SRGAP1: variants seen among roughly 807,000 people sequenced by gnomAD.
SRGAP1 encodes SLIT-ROBO Rho GTPase-activating protein 1.
In SRGAP1, 43 loss-of-function variants were observed where a neutral mutation model predicts 121.9. That is an observed-to-expected ratio of 0.35 (90% confidence interval 0.28 to 0.46). The LOEUF (loss-of-function observed/expected upper bound fraction) is 0.46, where lower values mean the gene tolerates loss of function less well. Among genes scored for constraint, SRGAP1 ranks in the 20% least tolerant of loss-of-function variants. The pLI, the probability that SRGAP1 is intolerant of heterozygous loss-of-function variation, is 1.00. For missense variants in SRGAP1, 1,102 were observed against 1,350.9 expected, an observed-to-expected ratio of 0.82 and a Z score of 2.89; for synonymous variants, 447 against 485.4, an observed-to-expected ratio of 0.92 and a Z score of 1.04.
intron 6 of SRGAP1, among the ~76,000 whole-genome samples, chr12:64,056,721 T>G (rs565393415): frequency 2.6e-4 from 40 of 152,268 alleles, no homozygotes; most frequent in South Asian, 1.7e-3. Flanking sequence ...TCTTGCAACT[T>G]TTCCCTTAGT....
At chr12:63,853,209 C>T (rs1377317540) in intron 1 of SRGAP1, among the ~76,000 whole-genome samples, 3 of 151,788 alleles carry the variant, frequency 2.0e-5, no homozygotes, top group African/African-American at 4.8e-5. Flanking sequence ...TTAGGAGACA[C>T]GGGGTTTCAC....
intron 1 of SRGAP1, among the ~76,000 whole-genome samples, chr12:63,922,724 G>A (rs1404315245): frequency 6.6e-6 from 1 of 152,222 alleles, no homozygotes; most frequent in Non-Finnish European, 1.5e-5. Flanking sequence ...TTGTTGCATG[G>A]GAGGCATCTG....
chr12:63,881,691 TC>T (rs1900199713), intron 1 of SRGAP1, among the ~76,000 whole-genome samples: 1 of 152,250 alleles, frequency 6.6e-6, no homozygotes, highest in Non-Finnish European at 1.5e-5. Flanking sequence ...ATGTAGATTG[TC>T]AGTGTCCAAC....
At chr12:63,990,132 G>C in intron 3 of SRGAP1, 60 bp downstream of exon 3, 2 of 1,344,868 alleles carry the variant, frequency 1.5e-6, no homozygotes, top group Middle Eastern at 2.1e-4. Context: ...CTATAACCAG[G>C]ACTGAGAACG....
chr12:64,148,370 C>A lies in SRGAP1; in HGVS notation c.*5698C>A, dbSNP rs1236692519. ...AATCTCAGCTCACTGCAACCTCCCC[C>A]TCCTGGATTCAAGCGATTCTCCTGC... On this transcript the variant is annotated 3_prime_UTR_variant, in exon 22 of 22. Coordinates refer to ENST00000355086, the MANE Select transcript of SRGAP1 (RefSeq NM_020762.4). 1 of 151,292 alleles carries A rather than the reference C, an allele frequency of 6.6e-6. No homozygotes were observed. Among genetic ancestry groups the A allele is most frequent in the Non-Finnish European group, 1.5e-5 (1 of 67,922 alleles). The allele number at this position is 151,292 out of a possible 1,614,324, so 9.4% of individuals were successfully genotyped here.
chr12:64,036,199 C>T (rs760680962), intron 4 of SRGAP1, among the ~76,000 whole-genome samples: 4 of 152,276 alleles, frequency 2.6e-5, no homozygotes, highest in Non-Finnish European at 4.4e-5. Context: ...TGTCTCAAGC[C>T]GCCAGAGAGA....
At chr12:64,109,504 T>C (rs937520403) in intron 16 of SRGAP1, among the ~76,000 whole-genome samples, 6 of 152,190 alleles carry the variant, frequency 3.9e-5, no homozygotes, top group African/African-American at 1.4e-4. Flanking sequence ...TGAGACCTTA[T>C]CAACAAGAAA....
At chr12:63,949,229 T>TATAA (rs201137876) in intron 1 of SRGAP1, among the ~76,000 whole-genome samples, 1 of 145,380 alleles carries the variant, frequency 6.9e-6, no homozygotes, top group African/African-American at 2.5e-5. Flanking sequence ...TATATATATA[T>TATAA]ACCAAATAAG....
At position 64,078,979 on chromosome 12, in the gene SRGAP1, T is replaced by G; in HGVS notation, c.1186T>G (p.Tyr396Asp). 1.2e-6 allele frequency: 2 copies of G among 1,614,136 alleles called. No individual in the cohort carries two copies. Among genetic ancestry groups the G allele is most frequent in the Non-Finnish European group, 1.7e-6 (2 of 1,180,008 alleles). The part of the protein sequence containing the change: ...TIQDMVTIED[Y>D]DVSECFQHSR... The stretch of plus-strand genomic sequence containing the variant: ...ACAAGATATGGTCACCATCGAGGAC[T>G]ATGATGTTTCTGAATGCTTCCAGCA... The change falls in exon 9 of 22, where the codon TAT becomes GAT. Residue 396 changes from tyrosine (Y) to aspartate (D), a missense_variant. This residue lies in a region of SRGAP1 where 747 missense variants were observed against 929.4 expected (regional missense o/e 0.80). Coordinates refer to ENST00000355086, the MANE Select transcript of SRGAP1 (RefSeq NM_020762.4).
intron 1 of SRGAP1, among the ~76,000 whole-genome samples, chr12:63,927,104 G>A (rs1307632599): frequency 6.6e-6 from 1 of 152,104 alleles, no homozygotes; most frequent in Non-Finnish European, 1.5e-5. Context: ...AATGGAGGGA[G>A]TCAACTACTA....
intron 1 of SRGAP1, among the ~76,000 whole-genome samples, chr12:63,877,422 A>G (rs960618231): frequency 5.9e-5 from 9 of 152,272 alleles, no homozygotes; most frequent in Admixed American, 5.2e-4. Flanking sequence ...AATATAATCT[A>G]ATAGGAAAAT....
Position 64,082,001 on chromosome 12 carries a change from C to CTTTTTTTTTTTTTTTTTTTTTTTTTT in SRGAP1, c.1408+1652_1408+1653insTTTTTTTTTTTTTTTTTTTTTTTTTT. On this transcript the variant is annotated intron_variant, in intron 10 of 21. Transcript: ENST00000355086. ...TTTCCCTCACAGTGTCATGTAAGGTCTTTTTTTTTTTTTTTTTTTTTCAAT... is the reference window on the plus strand; with the variant it reads ...TTTCCCTCACAGTGTCATGTAAGGTCTTTTTTTTTTTTTTTTTTTTTTTTTTTTTTTTTTTTTTTTTTTTTTTCAAT... 10 of 66,138 alleles carry CTTTTTTTTTTTTTTTTTTTTTTTTTT rather than the reference C, an allele frequency of 1.5e-4. 1 individual carries two copies. The highest frequency in any genetic ancestry group is 1.7e-4 in the Non-Finnish European group (7 of 40,170). 4.1% of individuals were successfully genotyped at this position (66,138 alleles called of 1,614,324 possible). A position where few individuals can be genotyped will look rare whatever the true frequency, so the allele number is the denominator to read the frequency against.
At chr12:63,864,654 A>G (rs1565926014) in intron 1 of SRGAP1, among the ~76,000 whole-genome samples, 1 of 152,214 alleles carries the variant, frequency 6.6e-6, no homozygotes, top group African/African-American at 2.4e-5. Context: ...ATGTGAAAGT[A>G]TTACCACTTT....
intron 1 of SRGAP1, among the ~76,000 whole-genome samples, chr12:63,923,454 A>T (rs970172682): frequency 1.3e-5 from 2 of 152,232 alleles, no homozygotes; most frequent in Non-Finnish European, 2.9e-5. Context: ...AATCTGTTGT[A>T]ATTTTTTTAA....
At chr12:63,869,943 A>G (rs931296303) in intron 1 of SRGAP1, among the ~76,000 whole-genome samples, 2 of 152,194 alleles carry the variant, frequency 1.3e-5, no homozygotes, top group African/African-American at 4.8e-5. Context: ...AAACTTAGAA[A>G]CTTGAGGTCT....
At chr12:64,059,602 T>TA (rs34665116) in intron 6 of SRGAP1, among the ~76,000 whole-genome samples, 405 of 150,906 alleles carry the variant, frequency 2.7e-3, no homozygotes, top group Middle Eastern at 6.8e-3. Flanking sequence ...CTGGTACATC[T>TA]AAAAAAAAAG....
intron 3 of SRGAP1, among the ~76,000 whole-genome samples, chr12:64,003,809 A>G (rs1241526734): frequency 6.6e-6 from 1 of 152,172 alleles, no homozygotes. Context: ...TTGCAAGAAA[A>G]TTTCCCAAAT....
At position 64,148,363 on chromosome 12, in the gene SRGAP1, C is replaced by G. The variant is rs996283143; in HGVS notation, c.*5691C>G. On this transcript the variant is annotated 3_prime_UTR_variant, in exon 22 of 22. Transcript: ENST00000355086. ...GTGGTGCAATCTCAGCTCACTGCAA[C>G]CTCCCCCTCCTGGATTCAAGCGATT... 1 of 150,202 alleles carries G rather than the reference C, an allele frequency of 6.7e-6. No individual in the cohort carries two copies. Among genetic ancestry groups the G allele is most frequent in the Non-Finnish European group, 1.5e-5 (1 of 67,722 alleles). The allele number at this position is 150,202 out of a possible 1,614,324, so 9.3% of individuals were successfully genotyped here. A position where few individuals can be genotyped will look rare whatever the true frequency, so the allele number is the denominator to read the frequency against.
chr12:63,907,805 G>T (rs2030290681), intron 1 of SRGAP1, among the ~76,000 whole-genome samples: 2 of 152,076 alleles, frequency 1.3e-5, no homozygotes, highest in Admixed American at 6.5e-5. Flanking sequence ...CTAACCCAGG[G>T]TCATTGATAT....
Sources: gnomAD v4.1 joint callset for allele counts (sites outside exome capture counted in the v4.1 genomes callset) on GRCh38, gnomAD v4.1.1 for gene constraint, gnomAD v4.1.1 regional missense constraint, MANE v1.5 for transcripts, NCBI Gene and HGNC (gene_info 2026-07-23, HGNC 2026-07-21) for gene names.